Variants in GPHN observed in about 807,000 individuals in gnomAD.
The protein encoded by GPHN is gephyrin.
In GPHN, 17 loss-of-function variants were observed where a neutral mutation model predicts 95.5. The ratio of observed to expected loss-of-function variants is 0.18; its 90% CI spans 0.12 to 0.27. The LOEUF (loss-of-function observed/expected upper bound fraction) is 0.27, where lower values mean the gene tolerates loss of function less well. GPHN is among the 10% of genes least tolerant of loss of function. The pLI is 1.00. For synonymous variants in GPHN, 320 were observed against 322.5 expected (o/e 0.99, Z 0.08); for missense variants, 660 against 978.1 (o/e 0.67, Z 4.34).
the GPHN span, among the ~76,000 whole-genome samples, chr14:67,354,939 G>A: frequency 2.0e-5 from 3 of 152,000 alleles, no homozygotes; most frequent in Non-Finnish European, 4.4e-5. Context: ...TCAGCATCCC[G>A]AGTAGCTGGG....
intron 1 of GPHN, among the ~76,000 whole-genome samples, chr14:66,657,403 T>C (rs1420608049): frequency 1.3e-5 from 2 of 152,236 alleles, no homozygotes; most frequent in Non-Finnish European, 2.9e-5. Flanking sequence ...GCTAAAATCA[T>C]TGATGAATCT....
At chr14:67,312,271 T>C in the GPHN span, 1 of 243,562 alleles carries the variant, frequency 4.1e-6, no homozygotes, top group Admixed American at 5.3e-5. Flanking sequence ...CCAACTACAA[T>C]TTCTTTGCAC....
chr14:67,259,135 A>C, the GPHN span, among the ~76,000 whole-genome samples: 2 of 151,850 alleles, frequency 1.3e-5, no homozygotes, highest in Admixed American at 6.6e-5. Context: ...GAGCCACTGC[A>C]CCAGGCCGAT....
chr14:67,587,320 G>C, the GPHN span: 1 of 1,461,002 alleles, frequency 6.8e-7, no homozygotes, highest in Non-Finnish European at 9.6e-7. Context: ...TACTGTGACG[G>C]GTCTAACAGC....
At chr14:66,933,757 G>C (rs1304153483) in intron 8 of GPHN, among the ~76,000 whole-genome samples, 2 of 152,122 alleles carry the variant, frequency 1.3e-5, no homozygotes, top group Non-Finnish European at 2.9e-5. Flanking sequence ...TAAGAATTAA[G>C]TATTTGCAGA....
At chr14:66,929,888 T>A (rs928328087) in intron 8 of GPHN, among the ~76,000 whole-genome samples, 1 of 152,102 alleles carries the variant, frequency 6.6e-6, no homozygotes, top group Admixed American at 6.5e-5. Flanking sequence ...ATTTTTTGTA[T>A]TTTTAGTAGA....
the GPHN span, chr14:67,587,186 A>C: frequency 6.2e-7 from 1 of 1,613,828 alleles, no homozygotes; most frequent in African/African-American, 1.3e-5. Flanking sequence ...GATGGACGAC[A>C]GTTCTTTTCT....
At chr14:66,674,500 CT>C (rs1307446238) in intron 1 of GPHN, among the ~76,000 whole-genome samples, 1 of 152,182 alleles carries the variant, frequency 6.6e-6, no homozygotes, top group Non-Finnish European at 1.5e-5. Context: ...CAATTCTACT[CT>C]CTACGTCTAT....
intron 21 of GPHN, among the ~76,000 whole-genome samples, chr14:67,177,653 G>A (rs1437424553): frequency 6.6e-6 from 1 of 152,164 alleles, no homozygotes; most frequent in Non-Finnish European, 1.5e-5. Flanking sequence ...CTGTCTTGTT[G>A]ATCTGTCTAA....
chr14:67,066,296 C>T (rs1567283366), intron 11 of GPHN, among the ~76,000 whole-genome samples: 1 of 152,178 alleles, frequency 6.6e-6, no homozygotes, highest in African/African-American at 2.4e-5. Flanking sequence ...CAGAGAGATC[C>T]GCAGTTAGTC....
chr14:67,719,523 G>A, the GPHN span, among the ~76,000 whole-genome samples: 1 of 152,102 alleles, frequency 6.6e-6, no homozygotes, highest in East Asian at 1.9e-4. Context: ...TGCCCAGGCT[G>A]GAGTGTAGTG....
rs1259098173 is a variant in GPHN, at chr14:66,606,257, C to T, written c.65-74850C>T. ...CATTTATTGAACAGGGAGTCCTTTC[C>T]TCATTGCTTCCTTTTGTTGACTTTG... On this transcript the variant is annotated intron_variant, in intron 1 of 22. Coordinates refer to ENST00000478722, the MANE Select transcript of GPHN (RefSeq NM_020806.5). 4.6e-5 allele frequency among the ~76,000 whole-genome samples: 7 copies of T among 152,102 alleles called. No individual in the cohort carries two copies. In the East Asian group the frequency reaches 1.3e-3, roughly 29 times the overall value.
At chr14:67,338,854 C>T in the GPHN span, 1 of 1,128,656 alleles carries the variant, frequency 8.9e-7, no homozygotes, top group Non-Finnish European at 1.2e-6. Context: ...GGATAATAAA[C>T]ACATACCTAG....
In GPHN at chr14:67,180,272, A is replaced by G. The variant is rs145214867; in HGVS notation, c.2177-532A>G. 2.9e-4 allele frequency among the ~76,000 whole-genome samples: 44 copies of G among 152,368 alleles called. No individual in the cohort carries two copies. The East Asian group carries it at 5.6e-3, about 19-fold the overall frequency. On this transcript the variant is annotated intron_variant, in intron 22 of 22. Transcript: ENST00000478722. The stretch of plus-strand genomic sequence containing the variant: ...AAGATCCTACCAAGTGAAAACGTCA[A>G]CTAACAGCGACTAAGTTCATGGGCT...
intron 2 of GPHN, among the ~76,000 whole-genome samples, chr14:66,711,170 ATT>A (rs1387036155): frequency 1.3e-5 from 2 of 151,984 alleles, no homozygotes; most frequent in African/African-American, 4.8e-5. Flanking sequence ...ACTGCACCCT[ATT>A]TGTAGTCTTA....
At chr14:67,448,203 A>G in the GPHN span, among the ~76,000 whole-genome samples, 2 of 125,026 alleles carry the variant, frequency 1.6e-5, no homozygotes, top group Non-Finnish European at 3.1e-5. Flanking sequence ...CAATACTGCA[A>G]TCTCGGCTCA....
At chr14:67,373,994 A>G in the GPHN span, among the ~76,000 whole-genome samples, 2 of 152,130 alleles carry the variant, frequency 1.3e-5, no homozygotes, top group African/African-American at 4.8e-5. Flanking sequence ...TTTCATTTGG[A>G]TAATTGAAAA....
the GPHN span, chr14:67,600,124 C>T: frequency 1.3e-6 from 2 of 1,596,550 alleles, no homozygotes; most frequent in Non-Finnish European, 1.7e-6. Context: ...GCAGAATTCC[C>T]GGCAGGACGG....
At chr14:67,204,969 AGAAGTCATAGAAGTCAGAGAAGCCACG>A in the GPHN span, 1 of 1,586,114 alleles carries the variant, frequency 6.3e-7, no homozygotes, top group East Asian at 2.3e-5. Flanking sequence ...GAATTGTCAC[AGAAGTCATAGAAGTCAGAGAAGCCACG>A]GAAGTCACAG....
Sources: gnomAD v4.1 joint callset for allele counts (sites outside exome capture counted in the v4.1 genomes callset) on GRCh38, gnomAD v4.1.1 for gene constraint, MANE v1.5 for transcripts, NCBI Gene and HGNC (gene_info 2026-07-23, HGNC 2026-07-21) for gene names.